Variants in EPB41L5 observed in about 807,000 individuals in gnomAD.
EPB41L5 encodes band 4.1-like protein 5.
Under a neutral mutation model 106.6 loss-of-function variants are expected in EPB41L5, and 55 were observed. That is an observed-to-expected ratio of 0.52 (90% CI 0.42 to 0.65). The LOEUF is 0.65. Among genes scored for constraint, EPB41L5 ranks in the 30% least tolerant of loss-of-function variants. The pLI, the probability that EPB41L5 is intolerant of heterozygous loss-of-function variation, is 0.00. For missense variants in EPB41L5, 871 were observed against 882.1 expected (o/e 0.99, Z 0.16); for synonymous variants, 297 against 306.7 (o/e 0.97, Z 0.33).
In EPB41L5 at chr2:120,042,006, A is replaced by G. The variant is rs774707663; in HGVS notation, c.181A>G (p.Lys61Glu). 1.2e-6 allele frequency: 2 copies of G among 1,608,124 alleles called. No homozygotes were observed. The highest frequency in any genetic ancestry group is 1.7e-5 in the Admixed American group (1 of 59,422). ...DGTDVSVDLP[K>E]KAKGQELFDQ... is the part of the protein sequence containing the mutation. Reference sequence around the variant, plus strand: ...TTTACTTATTATCTTGCCATTTCAGAAAAAAGCCAAAGGACAAGAGTTGTT... The same window carrying G: ...TTTACTTATTATCTTGCCATTTCAGGAAAAAGCCAAAGGACAAGAGTTGTT... The change falls in exon 3 of 25, where the codon AAA (lysine) becomes GAA (glutamate). Residue 61 changes from lysine to glutamate, a missense_variant and splice_region_variant. Physicochemically the swap from Lys to Glu is moderately conservative, Grantham distance 56. Transcript: ENST00000263713.
At chr2:120,019,301 G>A (rs756867123) in intron 2 of EPB41L5, 37 bp downstream of exon 2, 27 of 1,568,026 alleles carry the variant, frequency 1.7e-5, no homozygotes, top group Middle Eastern at 3.4e-4. Context: ...TTCTGTTTGC[G>A]ATTACTGTCT....
In EPB41L5 at chr2:120,154,806, G is replaced by T. The variant is rs1388074421; in HGVS notation, c.1794-6075G>T. ...CCGGGCGTGGTGGCGGGTGCCTATAGTCCCAGCTACTCGGGAGGCTGAGGC... is the reference window on the plus strand; with the variant it reads ...CCGGGCGTGGTGGCGGGTGCCTATATTCCCAGCTACTCGGGAGGCTGAGGC... On this transcript the variant is annotated intron_variant, in intron 20 of 24. Coordinates refer to ENST00000263713, the MANE Select transcript of EPB41L5 (RefSeq NM_020909.4). Among the ~76,000 whole-genome samples, 3 of 152,044 alleles carry T rather than the reference G, an allele frequency of 2.0e-5. No individual in the cohort carries two copies. In the East Asian group the frequency reaches 5.9e-4, roughly 30 times the overall value.
At chr2:120,040,875 A>G (rs1208000466) in intron 2 of EPB41L5, among the ~76,000 whole-genome samples, 2 of 152,154 alleles carry the variant, frequency 1.3e-5, no homozygotes, top group African/African-American at 4.8e-5. Flanking sequence ...GCAGAGATTG[A>G]TATGATAAAC....
chr2:120,084,063 G>A (rs1003730576), intron 10 of EPB41L5, among the ~76,000 whole-genome samples: 1 of 152,144 alleles, frequency 6.6e-6, no homozygotes, highest in African/African-American at 2.4e-5. Context: ...CAATTTGCCA[G>A]TCTGTGTCTT....
chr2:120,032,115 GCTCACACCT>G (rs1355393513), intron 2 of EPB41L5, among the ~76,000 whole-genome samples: 7 of 152,154 alleles, frequency 4.6e-5, no homozygotes, highest in African/African-American at 1.7e-4. Flanking sequence ...AGGCGCGGTG[GCTCACACCT>G]GTAATCCCAG....
At chr2:120,098,468 C>G (rs865819597) in intron 14 of EPB41L5, among the ~76,000 whole-genome samples, 1 of 152,098 alleles carries the variant, frequency 6.6e-6, no homozygotes, top group African/African-American at 2.4e-5. Flanking sequence ...CTGCCTCGGC[C>G]CCTGAGAGTG....
intron 16 of EPB41L5, chr2:120,104,063 C>G: frequency 1.3e-6 from 2 of 1,533,160 alleles, no homozygotes; most frequent in South Asian, 1.2e-5. Context: ...CATCCAGGCT[C>G]TCTGCTGCCA....
In EPB41L5 at chr2:120,075,888, C is replaced by T. The variant is rs1682200153; in HGVS notation, c.505+135C>T. ...TGTATAAACTTGTATCAGGGTCCAA[C>T]TCTGACTTTTACTTGTTTTAGAACA... On this transcript the variant is annotated intron_variant, in intron 7 of 24. Coordinates refer to ENST00000263713, the MANE Select transcript of EPB41L5 (RefSeq NM_020909.4). 4 of 708,292 alleles carry T rather than the reference C, an allele frequency of 5.6e-6. No individual in the cohort carries two copies. In the South Asian group the frequency reaches 7.1e-5, roughly 13 times the overall value. 43.9% of individuals were successfully genotyped at this position (708,292 alleles called of 1,614,324 possible). A position where few individuals can be genotyped will look rare whatever the true frequency, so the allele number is the denominator to read the frequency against.
intron 24 of EPB41L5, among the ~76,000 whole-genome samples, chr2:120,171,193 C>T (rs1687656555): frequency 6.6e-6 from 1 of 152,114 alleles, no homozygotes; most frequent in Non-Finnish European, 1.5e-5. Flanking sequence ...AAGTGGTAAC[C>T]AGTTTAGCAG....
At chr2:120,078,107 G>A (rs1331892905) in intron 9 of EPB41L5, among the ~76,000 whole-genome samples, 1 of 152,076 alleles carries the variant, frequency 6.6e-6, no homozygotes, top group Non-Finnish European at 1.5e-5. Context: ...CCAATACTGG[G>A]GATTACAATA....
intron 14 of EPB41L5, among the ~76,000 whole-genome samples, chr2:120,098,511 C>G (rs959444212): frequency 1.3e-5 from 2 of 152,124 alleles, no homozygotes; most frequent in Non-Finnish European, 2.9e-5. Flanking sequence ...CCATGCCTCA[C>G]CAATAGTATT....
chr2:120,096,981 G>T (rs1288721531), intron 14 of EPB41L5, among the ~76,000 whole-genome samples: 2 of 152,102 alleles, frequency 1.3e-5, no homozygotes, highest in Admixed American at 6.5e-5. Context: ...ATTCAGCAAT[G>T]GTACGTAGTT....
chr2:120,050,492 A>G (rs1364757503), intron 3 of EPB41L5, among the ~76,000 whole-genome samples: 1 of 152,180 alleles, frequency 6.6e-6, no homozygotes, highest in Non-Finnish European at 1.5e-5. Flanking sequence ...TTCTCGTGCC[A>G]TGGTTTTCAG....
At chr2:120,039,661 A>G (rs1679267057) in intron 2 of EPB41L5, among the ~76,000 whole-genome samples, 1 of 152,044 alleles carries the variant, frequency 6.6e-6, no homozygotes, top group South Asian at 2.1e-4. Flanking sequence ...TCCCATCTCT[A>G]CTAAAAATAC....
intron 3 of EPB41L5, among the ~76,000 whole-genome samples, chr2:120,070,602 A>G (rs530844004): frequency 6.6e-6 from 1 of 152,202 alleles, no homozygotes; most frequent in Non-Finnish European, 1.5e-5. Flanking sequence ...AATACCAGCA[A>G]ACTGAATCCA....
At chr2:120,174,810 C>T (rs889887836) in intron 24 of EPB41L5, 31 bp from the exon 25 acceptor site, 1 of 1,595,966 alleles carries the variant, frequency 6.3e-7, no homozygotes, top group Non-Finnish European at 8.6e-7. Context: ...CCCAGGGGTT[C>T]CCTGAGTAAC....
chr2:120,131,765 A>G lies in EPB41L5; in HGVS notation c.1599+50A>G, dbSNP rs374035164. On this transcript the variant is annotated intron_variant, in intron 18 of 24. Transcript: ENST00000263713. ...CCTGTTACACATCTCCAGAGCTCCCAGAAATATTTTCTTTCCAAAGACAGT... is the reference window on the plus strand; with the variant it reads ...CCTGTTACACATCTCCAGAGCTCCCGGAAATATTTTCTTTCCAAAGACAGT... 2.2e-6 allele frequency: 3 copies of G among 1,335,756 alleles called. No homozygotes were observed. The African/African-American group carries it at 4.4e-5, about 19-fold the overall frequency. 82.7% of individuals were successfully genotyped at this position (1,335,756 alleles called of 1,614,324 possible). A position where few individuals can be genotyped will look rare whatever the true frequency, so the allele number is the denominator to read the frequency against.
At chr2:120,042,511 A>C (rs1028906939) in intron 3 of EPB41L5, among the ~76,000 whole-genome samples, 1 of 152,178 alleles carries the variant, frequency 6.6e-6, no homozygotes, top group Non-Finnish European at 1.5e-5. Context: ...GTAGACTAGG[A>C]TATCTCTAAG....
At chr2:120,122,668 TG>T (rs1471749345) in intron 16 of EPB41L5, among the ~76,000 whole-genome samples, 2 of 152,228 alleles carry the variant, frequency 1.3e-5, no homozygotes, top group Non-Finnish European at 2.9e-5. Flanking sequence ...GGCTCTTTTT[TG>T]GTTCCATATG....
Sources: allele counts gnomAD v4.1 joint callset (sites outside exome capture counted in the v4.1 genomes callset), GRCh38; gene constraint gnomAD v4.1.1; transcripts MANE v1.5; gene names NCBI Gene and HGNC (gene_info 2026-07-23, HGNC 2026-07-21).